ZNF595: variants seen among roughly 807,000 people sequenced by gnomAD.
The protein encoded by ZNF595 is zinc finger protein 595.
A neutral mutation model predicts 19.4 loss-of-function variants in ZNF595; 9 were observed. The ratio of observed to expected loss-of-function variants is 0.46; its 90% CI spans 0.28 to 0.81. The LOEUF is 0.81. Ranked by LOEUF, ZNF595 falls within the 30% of genes least tolerant of loss-of-function variation. The pLI is 0.11. For missense variants in ZNF595, 729 were observed against 736.0 expected (o/e 0.99, Z 0.11); for synonymous variants, 255 against 255.9 (o/e 1.00, Z 0.03).
chr4:76,137 A>T (rs1581379286), intron 3 of ZNF595, among the ~76,000 whole-genome samples: 1 of 151,890 alleles, frequency 6.6e-6, no homozygotes, highest in African/African-American at 2.4e-5. Flanking sequence ...CAAACAATTC[A>T]CCTGCTTTGG....
At chr4:79,957 G>C (rs1231888380) in intron 3 of ZNF595, among the ~76,000 whole-genome samples, 3 of 152,052 alleles carry the variant, frequency 2.0e-5, no homozygotes, top group African/African-American at 7.2e-5. Flanking sequence ...ATTGTTTGCT[G>C]CTAGACATCT....
rs1560094416 is a variant in ZNF595, at chr4:86,122, C to A, written c.618C>A (p.Gly206=). The A allele has an allele frequency of 6.2e-7, 1 of 1,613,568 alleles. No individual in the cohort carries two copies. ...GEKPYKCEKC[G]KAFNRSTSLS... ...AACCCTACAAATGTGAAAAATGTGG[C>A]AAAGCCTTTAATAGGTCCACATCAC... The change falls in exon 4 of 4, where the codon GGC becomes GGA. Residue 206 remains glycine, a synonymous_variant. Coordinates refer to ENST00000610261, the MANE Select transcript of ZNF595 (RefSeq NM_182524.4).
At chr4:70,699 C>G (rs1713391917) in intron 3 of ZNF595, among the ~76,000 whole-genome samples, 1 of 152,180 alleles carries the variant, frequency 6.6e-6, no homozygotes. Context: ...GGGTTTATAT[C>G]TGTGTTCTCT....
In ZNF595 at chr4:86,804, A is replaced by C. The variant is rs1235873276; in HGVS notation, c.1300A>C (p.Asn434His). ...GTGCGAAGAATGTGGCAAAGCTTTT[A>C]ACCAATCCTCAACTCTTATATTACA... The part of the protein sequence containing the change: ...YTCEECGKAF[N>H]QSSTLILHKR... The change falls in exon 4 of 4, where the codon AAC becomes CAC. Residue 434 changes from asparagine to histidine, a missense_variant. Around this residue, in one of 2 missense-constraint regions of ZNF595, gnomAD observed 729 missense variants for 675.3 expected, o/e 1.08. Coordinates refer to ENST00000610261, the MANE Select transcript of ZNF595 (RefSeq NM_182524.4). The C allele has an allele frequency of 3.1e-6, 5 of 1,613,846 alleles. No homozygotes were observed. The African/African-American group carries it at 6.7e-5, about 22-fold the overall frequency.
rs1184361407 is a variant in ZNF595 at position 65,176 on chromosome 4, T to C, written c.226+5023T>C. 8.5e-5 allele frequency among the ~76,000 whole-genome samples: 12 copies of C among 140,688 alleles called. No individual in the cohort carries two copies. The East Asian group carries it at 2.5e-3, about 29-fold the overall frequency. The allele number at this position is 140,688 out of a possible 152,430, so 92.3% of individuals were successfully genotyped here. On this transcript the variant is annotated intron_variant, in intron 3 of 3. Transcript: ENST00000610261. ...CCAAGCTCGGTGCCCCATTTCCTTG[T>C]CTGTAGCCATGTCTGTGGGCCCTTG...
intron 3 of ZNF595, among the ~76,000 whole-genome samples, chr4:71,077 T>C (rs1247927236): frequency 6.6e-6 from 1 of 152,224 alleles, no homozygotes. Flanking sequence ...CTTATGTTAA[T>C]TCCTAGGTAT....
At chr4:72,043 T>G (rs188371970) in intron 3 of ZNF595, among the ~76,000 whole-genome samples, 335 of 152,282 alleles carry the variant, frequency 2.2e-3, no homozygotes, top group Non-Finnish European at 4.1e-3. Flanking sequence ...ACTTGCCACT[T>G]GAGTCAGACA....
At chr4:80,375 C>T (rs1246590000) in intron 3 of ZNF595, among the ~76,000 whole-genome samples, 1 of 152,154 alleles carries the variant, frequency 6.6e-6, no homozygotes, top group African/African-American at 2.4e-5. Flanking sequence ...TGGTATATAC[C>T]TCAACACAAT....
chr4:80,266 G>A (rs1461747964), intron 3 of ZNF595, among the ~76,000 whole-genome samples: 6 of 152,140 alleles, frequency 3.9e-5, no homozygotes, highest in East Asian at 3.9e-4. Flanking sequence ...TGATCCACCC[G>A]CCTCGGCCTC....
rs1243372490 is a variant in ZNF595 at position 86,098 on chromosome 4, A to C, written c.594A>C (p.Lys198Asn). 7 of 1,613,492 alleles carry C rather than the reference A, an allele frequency of 4.3e-6. No homozygotes were observed. The highest frequency in any genetic ancestry group is 5.9e-6 in the Non-Finnish European group (7 of 1,179,740). Residue 198 changes from lysine to asparagine, a missense_variant, in exon 4 of 4, where the codon AAA becomes AAC. This residue lies in a region of ZNF595 where 729 missense variants were observed against 675.3 expected (regional missense o/e 1.08). Coordinates refer to ENST00000610261, the MANE Select transcript of ZNF595 (RefSeq NM_182524.4). ...TQHTGIHAGEKPYKCEKCGKA... is the reference protein window; with the variant it reads ...TQHTGIHAGENPYKCEKCGKA... Reference sequence around the variant, plus strand: ...ATACAGGAATTCATGCTGGAGAGAAACCCTACAAATGTGAAAAATGTGGCA... The same window carrying C: ...ATACAGGAATTCATGCTGGAGAGAACCCCTACAAATGTGAAAAATGTGGCA...
chr4:75,415 C>T (rs1553798546), intron 3 of ZNF595, among the ~76,000 whole-genome samples: 1 of 152,114 alleles, frequency 6.6e-6, no homozygotes, highest in Non-Finnish European at 1.5e-5. Context: ...TTATAATAGA[C>T]CCACTCTCAT....
In ZNF595 at chr4:80,021, A is replaced by G. The variant is rs892145331; in HGVS notation, c.227-5710A>G. Reference sequence around the variant, plus strand: ...CAGAAGCAGCATTGGGCAAAATTGAATATGTCTTTTTTTTTCTTGAGACGA... The same window carrying G: ...CAGAAGCAGCATTGGGCAAAATTGAGTATGTCTTTTTTTTTCTTGAGACGA... On this transcript the variant is annotated intron_variant, in intron 3 of 3. Transcript: ENST00000610261. 1.3e-4 allele frequency among the ~76,000 whole-genome samples: 20 copies of G among 151,928 alleles called. No individual in the cohort carries two copies. The Admixed American group carries it at 1.3e-3, about 10-fold the overall frequency.
intron 3 of ZNF595, among the ~76,000 whole-genome samples, chr4:75,978 C>T (rs1378770111): frequency 6.6e-6 from 1 of 152,106 alleles, no homozygotes; most frequent in African/African-American, 2.4e-5. Flanking sequence ...CAGCCTTGAC[C>T]TCCCCAGGCT....
intron 3 of ZNF595, among the ~76,000 whole-genome samples, chr4:71,035 G>C (rs1713406998): frequency 6.6e-6 from 1 of 151,776 alleles, no homozygotes; most frequent in Non-Finnish European, 1.5e-5. Flanking sequence ...AGTATTTCCT[G>C]GTCTTCATTG....
At chr4:62,018 G>A (rs1220018758) in intron 3 of ZNF595, among the ~76,000 whole-genome samples, 1 of 126,140 alleles carries the variant, frequency 7.9e-6, no homozygotes, top group Non-Finnish European at 1.6e-5. Flanking sequence ...TTTTTTTTTT[G>A]TCACAAGAAC....
chr4:69,101 T>C (rs987243872), intron 3 of ZNF595, among the ~76,000 whole-genome samples: 14 of 152,228 alleles, frequency 9.2e-5, no homozygotes, highest in African/African-American at 2.9e-4. Flanking sequence ...TTTTTTATGA[T>C]TGAAAAGTAC....
intron 3 of ZNF595, among the ~76,000 whole-genome samples, chr4:70,776 A>C (rs1346232170): frequency 6.6e-6 from 1 of 152,184 alleles, no homozygotes; most frequent in Non-Finnish European, 1.5e-5. Flanking sequence ...ATTTATAGTT[A>C]AATAGGATGA....
chr4:74,528 C>T (rs1713565343), intron 3 of ZNF595, among the ~76,000 whole-genome samples: 1 of 152,170 alleles, frequency 6.6e-6, no homozygotes. Flanking sequence ...AGGTTGAGGA[C>T]ACACATCTGT....
chr4:54,824 C>T (rs1581309234), intron 1 of ZNF595, among the ~76,000 whole-genome samples: 340 of 145,520 alleles, frequency 2.3e-3, no homozygotes, highest in East Asian at 6.6e-3. Context: ...CGTAGCCCTG[C>T]CTCGGCCTGT....
Sources: gnomAD v4.1 joint callset for allele counts (sites outside exome capture counted in the v4.1 genomes callset) on GRCh38, gnomAD v4.1.1 for gene constraint, gnomAD v4.1.1 regional missense constraint, MANE v1.5 for transcripts, NCBI Gene and HGNC (gene_info 2026-07-23, HGNC 2026-07-21) for gene names.